The following RBMS1 variants were observed in gnomAD, a reference collection of about 807,000 sequenced individuals.
RBMS1 encodes RNA binding motif single stranded interacting protein 1, also known as RNA-binding motif, single-stranded-interacting protein 1.
RBMS1 carries 17 observed loss-of-function variants against 62.3 expected under a neutral mutation model. The observed-to-expected ratio is 0.27, with a 90% CI of 0.19 to 0.41. The LOEUF (loss-of-function observed/expected upper bound fraction) is 0.41, where lower values mean the gene tolerates loss of function less well. RBMS1 is among the 10% of genes least tolerant of loss of function. The pLI is 1.00. For synonymous variants in RBMS1, 172 were observed against 170.0 expected (o/e 1.01, Z -0.09); for missense variants, 334 against 504.5 (o/e 0.66, Z 3.24).
At chr2:160,306,619 TAA>T (rs973200991) in intron 4 of RBMS1, among the ~76,000 whole-genome samples, 1 of 144,714 alleles carries the variant, frequency 6.9e-6, no homozygotes, top group Non-Finnish European at 1.5e-5. Context: ...TGCAGTAATT[TAA>T]AAAAAAAAAA....
At chr2:160,291,479 A>T (rs1195207205) in intron 6 of RBMS1, among the ~76,000 whole-genome samples, 1 of 152,114 alleles carries the variant, frequency 6.6e-6, no homozygotes, top group East Asian at 1.9e-4. Flanking sequence ...TCCAATAAAT[A>T]TTATCTATTT....
chr2:160,282,292 T>TGCC, intron 9 of RBMS1: 1 of 1,367,928 alleles, frequency 7.3e-7, no homozygotes, highest in East Asian at 4.5e-5. Context: ...TTTTCTCTGG[T>TGCC]TTCCTTTGCC....
At chr2:160,284,154 A>T (rs1688244204) in intron 9 of RBMS1, 1 of 153,902 alleles carries the variant, frequency 6.5e-6, no homozygotes, top group Non-Finnish European at 1.4e-5. Context: ...CATGGCGGAC[A>T]GGAGCTACCT....
chr2:160,460,692 C>T (rs2105331491), intron 1 of RBMS1, among the ~76,000 whole-genome samples: 1 of 152,330 alleles, frequency 6.6e-6, no homozygotes, highest in South Asian at 2.1e-4. Flanking sequence ...CTTGAGTCAA[C>T]TTATTCTGAT....
chr2:160,344,878 A>G (rs1229815198), intron 2 of RBMS1, among the ~76,000 whole-genome samples: 1 of 152,046 alleles, frequency 6.6e-6, no homozygotes, highest in African/African-American at 2.4e-5. Flanking sequence ...GTATACAATA[A>G]CTCCCCAGAC....
chr2:160,395,431 T>C (rs1335253906), intron 1 of RBMS1, among the ~76,000 whole-genome samples: 1 of 152,150 alleles, frequency 6.6e-6, no homozygotes, highest in Non-Finnish European at 1.5e-5. Context: ...GAGACCATCC[T>C]GGCTAACACG....
At chr2:160,480,141 G>T (rs1179919640) in intron 1 of RBMS1, among the ~76,000 whole-genome samples, 1 of 151,982 alleles carries the variant, frequency 6.6e-6, no homozygotes, top group Non-Finnish European at 1.5e-5. Context: ...AATCATAAGG[G>T]ATGTCAGAAA....
chr2:160,307,247 A>G (rs552234328), intron 4 of RBMS1, among the ~76,000 whole-genome samples: 1 of 152,218 alleles, frequency 6.6e-6, no homozygotes, highest in South Asian at 2.1e-4. Context: ...GAATAGGTTC[A>G]ACAACCAGCA....
At chr2:160,418,894 T>C (rs1186867577) in intron 1 of RBMS1, among the ~76,000 whole-genome samples, 1 of 152,162 alleles carries the variant, frequency 6.6e-6, no homozygotes, top group Non-Finnish European at 1.5e-5. Context: ...GCTTGGCACA[T>C]ATTAAGTGTT....
chr2:160,463,780 C>T (rs755234556), intron 1 of RBMS1, among the ~76,000 whole-genome samples: 1 of 152,016 alleles, frequency 6.6e-6, no homozygotes, highest in Non-Finnish European at 1.5e-5. Flanking sequence ...AGTGAAACTC[C>T]GTCTCAAAAA....
intron 2 of RBMS1, among the ~76,000 whole-genome samples, chr2:160,362,130 G>A (rs1559445504): frequency 1.3e-5 from 2 of 152,214 alleles, no homozygotes; most frequent in African/African-American, 4.8e-5. Context: ...AAGAATTAGG[G>A]TCTTGCTCTG....
At chr2:160,433,471 G>GCTGGCCGCA (rs1682986439) in intron 1 of RBMS1, among the ~76,000 whole-genome samples, 1 of 152,190 alleles carries the variant, frequency 6.6e-6, no homozygotes, top group African/African-American at 2.4e-5. Flanking sequence ...TCACAGTTAT[G>GCTGGCCGCA]AGAACTTGAG....
chr2:160,311,228 C>CTCTCTCTCTCTCTCTA (rs1689856905), intron 4 of RBMS1, among the ~76,000 whole-genome samples: 5 of 95,940 alleles, frequency 5.2e-5, no homozygotes, highest in African/African-American at 7.2e-5. Flanking sequence ...ATCTATCTAT[C>CTCTCTCTCTCTCTCTA]TATCTATATA....
chr2:160,435,448 C>T (rs1044541992), intron 1 of RBMS1, among the ~76,000 whole-genome samples: 1 of 152,172 alleles, frequency 6.6e-6, no homozygotes, highest in South Asian at 2.1e-4. Flanking sequence ...AACATCAGTC[C>T]TCTGATTGCT....
rs1553505400 is a variant in RBMS1 at position 160,311,224 on chromosome 2, C to CTATATATCTATA, written c.402+1931_402+1932insTATAGATATATA. Among the ~76,000 whole-genome samples the CTATATATCTATA allele has an allele frequency of 1.6e-3, 93 of 56,590 alleles. 1 individual carries two copies. The East Asian group carries it at 0.024, about 14-fold the overall frequency. The allele number at this position is 56,590 out of a possible 152,430, so 37.1% of individuals were successfully genotyped here. A position where few individuals can be genotyped will look rare whatever the true frequency, so the allele number is the denominator to read the frequency against. ...AAAAAAAAAAAATCTATCTATCTAT[C>CTATATATCTATA]TATCTATCTATATATATATATATAT... On this transcript the variant is annotated intron_variant, in intron 4 of 13. Transcript: ENST00000348849.
chr2:160,337,474 T>C (rs1691643117), intron 2 of RBMS1, among the ~76,000 whole-genome samples: 1 of 152,122 alleles, frequency 6.6e-6, no homozygotes, highest in South Asian at 2.1e-4. Flanking sequence ...GTAAGACTAA[T>C]AAATGGTATA....
At chr2:160,380,538 C>G (rs1322712260) in intron 1 of RBMS1, among the ~76,000 whole-genome samples, 2 of 152,194 alleles carry the variant, frequency 1.3e-5, no homozygotes, top group Non-Finnish European at 2.9e-5. Flanking sequence ...GAAGAGGATA[C>G]ACAAACAGTT....
intron 1 of RBMS1, among the ~76,000 whole-genome samples, chr2:160,428,708 TA>T (rs1204050119): frequency 6.6e-6 from 1 of 152,190 alleles, no homozygotes; most frequent in Non-Finnish European, 1.5e-5. Context: ...TTTTACTATA[TA>T]AAGAACCAGA....
intron 1 of RBMS1, among the ~76,000 whole-genome samples, chr2:160,437,512 C>G (rs962879892): frequency 1.3e-5 from 2 of 152,238 alleles, no homozygotes; most frequent in Admixed American, 1.3e-4. Context: ...ATCTTTCCAT[C>G]AGTAACAGTG....
Sources: allele counts gnomAD v4.1 joint callset (sites outside exome capture counted in the v4.1 genomes callset), GRCh38; gene constraint gnomAD v4.1.1; transcripts MANE v1.5; gene names NCBI Gene and HGNC (gene_info 2026-07-23, HGNC 2026-07-21).